The following MAP3K13 variants were observed in gnomAD, a reference collection of about 807,000 sequenced individuals.
MAP3K13 encodes the protein leucine zipper-bearing kinase.
Under a neutral mutation model 104.0 loss-of-function variants are expected in MAP3K13, and 52 were observed. That is an observed-to-expected ratio of 0.50 (90% CI 0.40 to 0.63). MAP3K13 has a LOEUF of 0.63. Among genes scored for constraint, MAP3K13 ranks in the 20% least tolerant of loss-of-function variants. MAP3K13 has a pLI of 0.00. For synonymous variants in MAP3K13, 394 were observed against 442.2 expected (o/e 0.89, Z 1.37); for missense variants, 914 against 1,218.5 (o/e 0.75, Z 3.72).
chr3:185,423,327 T>C lies in MAP3K13; in HGVS notation c.-85-5170T>C, dbSNP rs2108797712. 6.6e-6 allele frequency among the ~76,000 whole-genome samples: 1 copy of C among 151,708 alleles called. No individual in the cohort carries two copies. Among genetic ancestry groups the C allele is most frequent in the African/African-American group, 2.4e-5 (1 of 41,348 alleles). The stretch of plus-strand genomic sequence containing the variant: ...TGCTGCTGTATAGGATAACCAAGAG[T>C]CCTGGCAGCCAAGGCAGACCGGAAG... On this transcript the variant is annotated intron_variant, in intron 1 of 13. Transcript: ENST00000265026. The surrounding 1 kb of genome is among the most constrained non-coding windows in gnomAD (Gnocchi z 4.1).
At position 185,483,640 on chromosome 3, in the gene MAP3K13, G is replaced by A. The variant is rs1718579428; in HGVS notation, c.*1184G>A. 1 of 167,166 alleles carries A rather than the reference G, an allele frequency of 6.0e-6. No homozygotes were observed. The highest frequency in any genetic ancestry group is 1.2e-5 in the Non-Finnish European group (1 of 81,148). The allele number at this position is 167,166 out of a possible 1,614,324, so 10.4% of individuals were successfully genotyped here. A position where few individuals can be genotyped will look rare whatever the true frequency, so the allele number is the denominator to read the frequency against. On this transcript the variant is annotated 3_prime_UTR_variant, in exon 14 of 14. Coordinates refer to ENST00000265026, the MANE Select transcript of MAP3K13 (RefSeq NM_004721.5). ...CTTTGAAGGCAGCTAGGATGTATGT[G>A]TGTCTATACAATGTCTGAGCCCAAA...
chr3:185,466,306 T>TA (rs1203484402), intron 9 of MAP3K13, among the ~76,000 whole-genome samples: 1 of 152,128 alleles, frequency 6.6e-6, no homozygotes, highest in Non-Finnish European at 1.5e-5. Context: ...AAGTGAGTAT[T>TA]AGTGTCTCAG....
intron 2 of MAP3K13, among the ~76,000 whole-genome samples, chr3:185,313,210 T>C (rs1412962404): frequency 6.7e-6 from 1 of 149,440 alleles, no homozygotes; most frequent in African/African-American, 2.5e-5. Context: ...GGGGAAAATG[T>C]AGAATAAAAC....
At chr3:185,283,540 C>G (rs375114472) in intron 1 of MAP3K13, among the ~76,000 whole-genome samples, 1 of 152,168 alleles carries the variant, frequency 6.6e-6, no homozygotes, top group Middle Eastern at 3.2e-3. Flanking sequence ...AGAACCTCTC[C>G]CAAATTTCAG....
At chr3:185,442,846 T>C (rs1057283438) in intron 3 of MAP3K13, among the ~76,000 whole-genome samples, 1 of 151,944 alleles carries the variant, frequency 6.6e-6, no homozygotes, top group Admixed American at 6.6e-5. Flanking sequence ...ATTATTATTA[T>C]TTTTTATTTT....
At chr3:185,394,345 C>T (rs1057335714) in intron 1 of MAP3K13, among the ~76,000 whole-genome samples, 1 of 151,986 alleles carries the variant, frequency 6.6e-6, no homozygotes, top group Non-Finnish European at 1.5e-5. Context: ...GGAGTAGAAA[C>T]GTAAAAGAAT....
At chr3:185,297,744 AAAAAAG>A (rs200269640) in intron 2 of MAP3K13, among the ~76,000 whole-genome samples, 100,119 of 136,062 alleles carry the variant, frequency 0.74, 36,544 homozygotes, top group Middle Eastern at 0.78. Flanking sequence ...CAAAAAAAAA[AAAAAAG>A]AAAAGAAAAG....
rs1170703724 is a variant in MAP3K13 at position 185,418,403 on chromosome 3, A to G, written c.-85-10094A>G. Reference sequence around the variant, plus strand: ...GGTAGGGCTGAGGCAGCCAGGGCAGAACAGATGGCATATCGTTTTTGGGTT... The same window carrying G: ...GGTAGGGCTGAGGCAGCCAGGGCAGGACAGATGGCATATCGTTTTTGGGTT... On this transcript the variant is annotated intron_variant, in intron 1 of 13. Transcript: ENST00000265026. This position sits in a 1 kb window ranked among gnomAD's most constrained non-coding sequence, Gnocchi z 4.5. 1.2e-6 allele frequency: 2 copies of G among 1,607,172 alleles called. No individual in the cohort carries two copies. Among genetic ancestry groups the G allele is most frequent in the East Asian group, 4.5e-5 (2 of 44,878 alleles).
In MAP3K13 at chr3:185,487,649, T is replaced by C. The variant is rs1718784715; in HGVS notation, c.*5193T>C. The C allele has an allele frequency of 1.3e-5, 2 of 152,246 alleles. No homozygotes were observed. The highest frequency in any genetic ancestry group is 4.1e-4 in the South Asian group (2 of 4,824). 9.4% of individuals were successfully genotyped at this position (152,246 alleles called of 1,614,324 possible). A position where few individuals can be genotyped will look rare whatever the true frequency, so the allele number is the denominator to read the frequency against. ...TGGAACTGAATTCTCCAGAACATAA[T>C]ATTTATAATCCATAGAATTCCTGCC... is the stretch of plus-strand genomic sequence containing the variant. On this transcript the variant is annotated 3_prime_UTR_variant, in exon 14 of 14. Coordinates refer to ENST00000265026, the MANE Select transcript of MAP3K13 (RefSeq NM_004721.5).
At chr3:185,309,369 G>A (rs1406049196) in intron 2 of MAP3K13, among the ~76,000 whole-genome samples, 2 of 152,006 alleles carry the variant, frequency 1.3e-5, no homozygotes, top group Non-Finnish European at 2.9e-5. Context: ...AATTAGCTGG[G>A]TGTGGTGCCA....
chr3:185,328,012 A>C (rs1722102057), intron 2 of MAP3K13, among the ~76,000 whole-genome samples: 1 of 151,836 alleles, frequency 6.6e-6, no homozygotes, highest in Non-Finnish European at 1.5e-5. Flanking sequence ...GAAGGAAGGA[A>C]GGAAGGAATA....
intron 2 of MAP3K13, among the ~76,000 whole-genome samples, chr3:185,430,635 A>G (rs1310937990): frequency 6.6e-6 from 1 of 152,206 alleles, no homozygotes; most frequent in Non-Finnish European, 1.5e-5. Context: ...AAGATCTTGT[A>G]TAACCTCATT....
At chr3:185,304,834 A>G (rs969042562) in intron 2 of MAP3K13, among the ~76,000 whole-genome samples, 8 of 152,116 alleles carry the variant, frequency 5.3e-5, no homozygotes, top group African/African-American at 1.9e-4. Flanking sequence ...GGGTTTCACA[A>G]TGTTGGCCAA....
intron 1 of MAP3K13, among the ~76,000 whole-genome samples, chr3:185,389,255 G>A (rs1477088699): frequency 6.6e-6 from 1 of 152,088 alleles, no homozygotes; most frequent in African/African-American, 2.4e-5. Flanking sequence ...TTTCAAAGGG[G>A]TTACAAGTTT....
At chr3:185,321,945 G>A (rs1721885176) in intron 2 of MAP3K13, among the ~76,000 whole-genome samples, 1 of 152,136 alleles carries the variant, frequency 6.6e-6, no homozygotes, top group Non-Finnish European at 1.5e-5. Flanking sequence ...TCCTATAGCT[G>A]GCTATTATAT....
At chr3:185,421,159 CT>C (rs1374699419) in intron 1 of MAP3K13, among the ~76,000 whole-genome samples, 3 of 151,806 alleles carry the variant, frequency 2.0e-5, no homozygotes, top group Non-Finnish European at 2.9e-5. Context: ...CTTTTCTTTT[CT>C]TTTCTTTTTT....
At chr3:185,313,199 A>G (rs9852002) in intron 2 of MAP3K13, among the ~76,000 whole-genome samples, 101,528 of 148,904 alleles carry the variant, frequency 0.68, 36,046 homozygotes, top group Non-Finnish European at 0.78. Context: ...AAAAAAAAAA[A>G]GGGGAAAATG....
intron 4 of MAP3K13, 84 bp downstream of exon 4, chr3:185,443,720 A>T (rs1484565141): frequency 8.8e-7 from 1 of 1,138,830 alleles, no homozygotes; most frequent in Non-Finnish European, 1.3e-6. Context: ...TGACGTTTTC[A>T]GACATCATAC....
In MAP3K13 at chr3:185,379,448, A is replaced by C. The variant is rs142844337; in HGVS notation, c.-86+16080A>C. ...AGAGGTTGGAGAAGAGAGTAAAAAG[A>C]GGCCACTTACCCAATTTAAAATCAG... is the stretch of plus-strand genomic sequence containing the variant. On this transcript the variant is annotated intron_variant, in intron 1 of 13. Coordinates refer to ENST00000265026, the MANE Select transcript of MAP3K13 (RefSeq NM_004721.5). Among the ~76,000 whole-genome samples the C allele has an allele frequency of 3.7e-3, 562 of 152,366 alleles. 3 individuals are homozygous for C. Among genetic ancestry groups the C allele is most frequent in the African/African-American group, 0.013 (541 of 41,588 alleles).
Sources: allele counts gnomAD v4.1 joint callset (sites outside exome capture counted in the v4.1 genomes callset), GRCh38; gene constraint gnomAD v4.1.1; non-coding constraint Gnocchi (gnomAD v3.1); transcripts MANE v1.5; gene names NCBI Gene and HGNC (gene_info 2026-07-23, HGNC 2026-07-21).